The following DDX43 variants were observed in gnomAD, a reference collection of about 807,000 sequenced individuals.
The protein encoded by DDX43 is DEAD-box helicase 43.
A neutral mutation model predicts 84.9 loss-of-function variants in DDX43; 50 were observed. The observed-to-expected ratio is 0.59, with a 90% CI of 0.47 to 0.75. DDX43 has a LOEUF of 0.75. DDX43 is among the 30% of genes least tolerant of loss of function. DDX43 has a pLI of 0.00. For synonymous variants in DDX43, 291 were observed against 266.3 expected (o/e 1.09, Z -0.90); for missense variants, 689 against 798.6 (o/e 0.86, Z 1.65).
intron 1 of DDX43, among the ~76,000 whole-genome samples, chr6:73,396,582 G>A (rs1769478531): frequency 6.6e-6 from 1 of 152,210 alleles, no homozygotes; most frequent in Admixed American, 6.5e-5. Flanking sequence ...CTCACTTGAT[G>A]TTGGATCTGG....
Position 73,412,413 on chromosome 6 carries a change from T to A in DDX43, c.1368+121T>A, listed in dbSNP as rs1319405885. ...AGGGCAAATCACACTTGCATATAGT[T>A]TTAATAGAGCTGTAATACGATTATC... On this transcript the variant is annotated intron_variant, in intron 11 of 16. Transcript: ENST00000370336. 1.0e-4 allele frequency: 70 copies of A among 694,220 alleles called. 1 individual carries two copies. 43.0% of individuals were successfully genotyped at this position (694,220 alleles called of 1,614,324 possible). A position where few individuals can be genotyped will look rare whatever the true frequency, so the allele number is the denominator to read the frequency against.
At chr6:73,405,967 T>A in intron 6 of DDX43, 132 bp downstream of exon 6, 1 of 843,468 alleles carries the variant, frequency 1.2e-6, no homozygotes, top group South Asian at 2.7e-5. Flanking sequence ...GTTCAAAAAA[T>A]CTTTGTTGAA....
At position 73,406,422 on chromosome 6, in the gene DDX43, G is replaced by A. The variant is rs1562284533; in HGVS notation, c.866G>A (p.Gly289Glu). ...GATCTTATAGGAGTAGCCCAGACTGGAACAGGAAAGACATTGTGTTATTTA... is the reference window on the plus strand; with the variant it reads ...GATCTTATAGGAGTAGCCCAGACTGAAACAGGAAAGACATTGTGTTATTTA... ...GIDLIGVAQT[G>E]TGKTLCYLMP... Residue 289 changes from glycine (G) to glutamate (E), a missense_variant, in exon 7 of 17, where the codon GGA becomes GAA. By Grantham distance (98) the Gly-to-Glu change is moderately conservative. Transcript: ENST00000370336. The A allele has an allele frequency of 5.0e-6, 8 of 1,613,608 alleles. No homozygotes were observed. Among genetic ancestry groups the A allele is most frequent in the Admixed American group, 1.7e-5 (1 of 59,980 alleles).
chr6:73,394,840 C>G lies in DDX43; in HGVS notation c.-66C>G. The G allele has an allele frequency of 1.3e-6, 2 of 1,576,814 alleles. No homozygotes were observed. Among genetic ancestry groups the G allele is most frequent in the Non-Finnish European group, 8.6e-7 (1 of 1,161,746 alleles). On this transcript the variant is annotated 5_prime_UTR_variant, in exon 1 of 17. Transcript: ENST00000370336. ...TGGCTTCCCTGGCACGCTACTCTTA[C>G]GACGTCACGGTCAGGTGGTGCAGAG...
At position 73,412,658 on chromosome 6, in the gene DDX43, T is replaced by TGTGC. The variant is rs1554236134; in HGVS notation, c.1368+369_1368+370insCGTG. 6.8e-4 allele frequency among the ~76,000 whole-genome samples: 60 copies of TGTGC among 87,914 alleles called. 2 individuals carry two copies. Among genetic ancestry groups the TGTGC allele is most frequent in the African/African-American group, 2.4e-3 (57 of 24,006 alleles). 57.7% of individuals were successfully genotyped at this position (87,914 alleles called of 152,430 possible). On this transcript the variant is annotated intron_variant, in intron 11 of 16. Coordinates refer to ENST00000370336, the MANE Select transcript of DDX43 (RefSeq NM_018665.3). ...TATATAGTGTGTGTGTGTGTGTGTG[T>TGTGC]GTGTGTGTGTGCGCGCGCGCGTGTG...
At chr6:73,397,913 T>A (rs965304128) in intron 2 of DDX43, 169 bp downstream of exon 2, 6 of 485,210 alleles carry the variant, frequency 1.2e-5, no homozygotes, top group African/African-American at 1.2e-4. Flanking sequence ...TTCTCCTGCT[T>A]CAGCCTCCTG....
chr6:73,401,233 C>T (rs1769562786), intron 3 of DDX43, among the ~76,000 whole-genome samples: 1 of 152,148 alleles, frequency 6.6e-6, no homozygotes, highest in East Asian at 1.9e-4. Flanking sequence ...CCACACCAGC[C>T]TCACAAAGTG....
intron 14 of DDX43, among the ~76,000 whole-genome samples, 157 bp from the exon 15 acceptor site, chr6:73,415,340 A>G (rs754993231): frequency 1.3e-5 from 2 of 152,142 alleles, no homozygotes; most frequent in Non-Finnish European, 2.9e-5. Context: ...GTACTATCAT[A>G]TACCCCCTTT....
rs369128752 is a variant in DDX43 at position 73,395,051 on chromosome 6, G to C, written c.146G>C (p.Gly49Ala). 11 of 1,614,120 alleles carry C rather than the reference G, an allele frequency of 6.8e-6. No homozygotes were observed. The highest frequency in any genetic ancestry group is 9.3e-6 in the Non-Finnish European group (11 of 1,180,032). The change falls in exon 1 of 17, where the codon GGT becomes GCT. Residue 49 changes from glycine to alanine, a missense_variant. By Grantham distance (60) the Gly-to-Ala change is moderately conservative. Transcript: ENST00000370336. ...GPEGYSVGRGGRWRGTSRPPE... is the reference protein window; with the variant it reads ...GPEGYSVGRGARWRGTSRPPE... ...GAGGGATATAGTGTCGGCAGAGGTG[G>C]TCGCTGGAGAGGCACCTCTAGGCCC...
intron 15 of DDX43, 55 bp from the exon 16 acceptor site, chr6:73,416,058 T>C: frequency 1.1e-6 from 1 of 901,678 alleles, no homozygotes; most frequent in Non-Finnish European, 1.9e-6. Context: ...GGATGCATTT[T>C]AGTGTTGTAG....
chr6:73,416,090 A>G, intron 15 of DDX43, 23 bp from the exon 16 acceptor site: 1 of 1,238,890 alleles, frequency 8.1e-7, no homozygotes. Flanking sequence ...GAATCCTAAT[A>G]ACAACACGTT....
chr6:73,415,288 A>G (rs1769880581), intron 14 of DDX43, among the ~76,000 whole-genome samples: 1 of 151,864 alleles, frequency 6.6e-6, no homozygotes, highest in East Asian at 1.9e-4. Context: ...ACAGTGCAAG[A>G]CTCCATCTCA....
At chr6:73,407,684 C>T (rs1769709979) in intron 8 of DDX43, 69 bp downstream of exon 8, 1 of 1,134,672 alleles carries the variant, frequency 8.8e-7, no homozygotes, top group Non-Finnish European at 1.3e-6. Context: ...TACACATCTT[C>T]CCCATCATTT....
intron 7 of DDX43, chr6:73,407,038 A>G (rs1459137967): frequency 6.4e-6 from 1 of 155,126 alleles, no homozygotes; most frequent in Non-Finnish European, 1.4e-5. Flanking sequence ...CAAAGTCTGT[A>G]ATATATAGAG....
chr6:73,404,963 A>G (rs1769643267), intron 5 of DDX43, among the ~76,000 whole-genome samples, 192 bp downstream of exon 5: 1 of 152,214 alleles, frequency 6.6e-6, no homozygotes, highest in South Asian at 2.1e-4. Context: ...AATGGTCTAT[A>G]TTTGTGTCTA....
intron 3 of DDX43, among the ~76,000 whole-genome samples, chr6:73,401,400 A>T (rs1769565769): frequency 6.6e-6 from 1 of 152,216 alleles, no homozygotes; most frequent in Non-Finnish European, 1.5e-5. Flanking sequence ...CTTCTCCAAT[A>T]AAATTAAATT....
intron 1 of DDX43, 117 bp from the exon 2 acceptor site, chr6:73,397,572 T>C: frequency 1.2e-6 from 1 of 807,774 alleles, no homozygotes; most frequent in Non-Finnish European, 2.0e-6. Context: ...AAATGATTGT[T>C]GAACCCTAGG....
In DDX43 at chr6:73,406,432, G is replaced by A. The variant is rs1431921929; in HGVS notation, c.876G>A (p.Lys292=). The A allele has an allele frequency of 1.2e-6, 2 of 1,613,782 alleles. No homozygotes were observed. The highest frequency in any genetic ancestry group is 1.7e-6 in the Non-Finnish European group (2 of 1,179,754). The stretch of plus-strand genomic sequence containing the variant: ...GAGTAGCCCAGACTGGAACAGGAAA[G>A]ACATTGTGTTATTTAATGCCTGGAT... The part of the protein sequence containing the change: ...LIGVAQTGTG[K]TLCYLMPGFI... Residue 292 remains lysine (K), a synonymous_variant, in exon 7 of 17, where the codon AAG becomes AAA. Coordinates refer to ENST00000370336, the MANE Select transcript of DDX43 (RefSeq NM_018665.3).
At chr6:73,399,990 A>C (rs537707461) in intron 2 of DDX43, among the ~76,000 whole-genome samples, 2 of 152,296 alleles carry the variant, frequency 1.3e-5, no homozygotes, top group South Asian at 2.1e-4. Context: ...TAGCTATCCA[A>C]TTTTAAATGT....
Sources: gnomAD v4.1 joint callset for allele counts (sites outside exome capture counted in the v4.1 genomes callset) on GRCh38, gnomAD v4.1.1 for gene constraint, MANE v1.5 for transcripts, NCBI Gene and HGNC (gene_info 2026-07-23, HGNC 2026-07-21) for gene names.